Variants in MMD2 observed in about 807,000 individuals in gnomAD.
MMD2 encodes the protein monocyte to macrophage differentiation factor 2.
In MMD2, 30 loss-of-function variants were observed where a neutral mutation model predicts 33.5. That is an observed-to-expected ratio of 0.90 (90% CI 0.67 to 1.22). MMD2 has a LOEUF of 1.22. Among genes scored for constraint, MMD2 ranks in the 50% most tolerant of loss-of-function variants. MMD2 has a pLI of 0.00. For missense variants in MMD2, 364 were observed against 325.4 expected, an observed-to-expected ratio of 1.12 and a Z score of -0.91; for synonymous variants, 129 against 123.0, an observed-to-expected ratio of 1.05 and a Z score of -0.32.
At chr7:4,901,543 A>G (rs1784794183), downstream of MMD2, among the ~76,000 whole-genome samples, 1 of 152,242 alleles carries the variant, frequency 6.6e-6, no homozygotes, top group South Asian at 2.1e-4. Flanking sequence ...AAATCAGGAA[A>G]CTGAGGCACG....
At chr7:4,950,499 T>C (rs532723454) in intron 1 of MMD2, among the ~76,000 whole-genome samples, 2 of 152,102 alleles carry the variant, frequency 1.3e-5, no homozygotes, top group Non-Finnish European at 2.9e-5. Context: ...TAATTCTTCA[T>C]TCCCTACCCA....
rs374243005 is a variant in MMD2, at chr7:4,932,342, C to A, written c.48-6810G>T. Among the ~76,000 whole-genome samples, 15 of 152,270 alleles carry A rather than the reference C, an allele frequency of 9.9e-5. No homozygotes were observed. The East Asian group carries it at 1.4e-3, about 14-fold the overall frequency. The stretch of plus-strand genomic sequence containing the variant: ...CTTTCCCTTTAACTCCTTGCGACCT[C>A]ATTTCTTTCCTCCCTAAACCTCTAG... On this transcript the variant is annotated intron_variant, in intron 1 of 6. Transcript: ENST00000401401.
rs1365754310 is a variant in MMD2, at chr7:4,940,822, C to T, written c.48-15290G>A. 6.6e-6 allele frequency among the ~76,000 whole-genome samples: 1 copy of T among 152,174 alleles called. No homozygotes were observed. Reference sequence around the variant, plus strand: ...CTGGCATGATCTGCAGGAGACAGCACTCAGGTGCACTGTGCGTGGCATCCC... The same window carrying T: ...CTGGCATGATCTGCAGGAGACAGCATTCAGGTGCACTGTGCGTGGCATCCC... On this transcript the variant is annotated intron_variant, in intron 1 of 6. Transcript: ENST00000401401. This position sits in a 1 kb window ranked among gnomAD's most constrained non-coding sequence, Gnocchi z 5.0.
At chr7:4,958,691 C>A (rs1015149397) in intron 1 of MMD2, among the ~76,000 whole-genome samples, 2 of 152,234 alleles carry the variant, frequency 1.3e-5, no homozygotes, top group Non-Finnish European at 2.9e-5. Flanking sequence ...GACACGGGGA[C>A]TCGCATAACC....
intron 1 of MMD2, among the ~76,000 whole-genome samples, chr7:4,932,994 T>A (rs943938676): frequency 1.3e-5 from 2 of 150,384 alleles, no homozygotes; most frequent in African/African-American, 4.9e-5. Context: ...TTTTTTTTTT[T>A]ATGTTTAAAG....
At chr7:4,935,690 A>C (rs1465519146) in intron 1 of MMD2, among the ~76,000 whole-genome samples, 1 of 150,578 alleles carries the variant, frequency 6.6e-6, no homozygotes, top group East Asian at 1.9e-4. Context: ...AAAAAAAAAA[A>C]AAAAAAACCA....
chr7:4,935,448 T>C (rs1188626994), intron 1 of MMD2, among the ~76,000 whole-genome samples: 1 of 152,016 alleles, frequency 6.6e-6, no homozygotes, highest in African/African-American at 2.4e-5. Context: ...CTTAGAAGTT[T>C]CTTTATTATT....
At chr7:4,951,273 G>A (rs1437763423) in intron 1 of MMD2, among the ~76,000 whole-genome samples, 2 of 151,980 alleles carry the variant, frequency 1.3e-5, no homozygotes, top group South Asian at 2.1e-4. Flanking sequence ...AAATCCAGAC[G>A]GTTTAACTGC....
At chr7:4,899,825 T>G in the MMD2 span, among the ~76,000 whole-genome samples, 2 of 152,140 alleles carry the variant, frequency 1.3e-5, no homozygotes, top group African/African-American at 4.8e-5. Flanking sequence ...GGTCACATGA[T>G]ACACAGGTAA....
At chr7:4,899,394 T>C in the MMD2 span, among the ~76,000 whole-genome samples, 10 of 137,250 alleles carry the variant, frequency 7.3e-5, no homozygotes, top group East Asian at 1.6e-3. Context: ...TGTATTTTTC[T>C]TTTTTTTTTT....
intron 4 of MMD2, among the ~76,000 whole-genome samples, chr7:4,912,496 A>G (rs1438981205): frequency 6.6e-6 from 1 of 150,826 alleles, no homozygotes; most frequent in Admixed American, 6.6e-5. Context: ...CGGGAGGCAG[A>G]GCTTGTAGTG....
chr7:4,912,621 G>A (rs1483301862), intron 4 of MMD2, among the ~76,000 whole-genome samples: 1 of 151,762 alleles, frequency 6.6e-6, no homozygotes, highest in Non-Finnish European at 1.5e-5. Flanking sequence ...CTCTTCCTAA[G>A]TGGTTTTGTC....
chr7:4,915,372 C>A (rs1022053832), intron 4 of MMD2, among the ~76,000 whole-genome samples: 1 of 151,672 alleles, frequency 6.6e-6, no homozygotes, highest in East Asian at 1.9e-4. Context: ...TGTATGCATA[C>A]GTCTATGTCT....
At chr7:4,893,128 C>A in the MMD2 span, among the ~76,000 whole-genome samples, 863 of 151,886 alleles carry the variant, frequency 5.7e-3, 14 homozygotes, top group Non-Finnish European at 3.9e-3. Flanking sequence ...ATGGGGTCTA[C>A]ACGCACTCCC....
chr7:4,919,407 A>G (rs1005495630), intron 3 of MMD2, among the ~76,000 whole-genome samples: 6 of 151,436 alleles, frequency 4.0e-5, no homozygotes, highest in African/African-American at 1.5e-4. Context: ...CATCTCTACA[A>G]AAAGATACAA....
In MMD2 at chr7:4,959,167, G is replaced by C. The variant is rs923175886; in HGVS notation, c.-150C>G. 7 of 539,050 alleles carry C rather than the reference G, an allele frequency of 1.3e-5. No homozygotes were observed. The highest frequency in any genetic ancestry group is 1.9e-5 in the Non-Finnish European group (7 of 368,596). 33.4% of individuals were successfully genotyped at this position (539,050 alleles called of 1,614,324 possible). A position where few individuals can be genotyped will look rare whatever the true frequency, so the allele number is the denominator to read the frequency against. Reference sequence around the variant, plus strand: ...GCGCCCGGAGCCGGAGCCGGAGCCCGAGCCGGAGCTGGAGGCGCCCGGAGC... The same window carrying C: ...GCGCCCGGAGCCGGAGCCGGAGCCCCAGCCGGAGCTGGAGGCGCCCGGAGC... On this transcript the variant is annotated 5_prime_UTR_variant, in exon 1 of 7. Coordinates refer to ENST00000401401, the MANE Select transcript of MMD2 (RefSeq NM_198403.4).
At chr7:4,930,326 A>G (rs554136927) in intron 1 of MMD2, among the ~76,000 whole-genome samples, 24 of 146,700 alleles carry the variant, frequency 1.6e-4, no homozygotes, top group African/African-American at 5.3e-4. Flanking sequence ...CCCCCATCCA[A>G]TATGAGTAGG....
At chr7:4,910,079 G>C (rs1784968936) in intron 5 of MMD2, 129 bp from the exon 6 acceptor site, 3 of 1,590,362 alleles carry the variant, frequency 1.9e-6, no homozygotes, top group Admixed American at 3.4e-5. Flanking sequence ...CGCTTTCTCT[G>C]TCCAGCACGC....
At chr7:4,902,112 G>A (rs904399633), downstream of MMD2, among the ~76,000 whole-genome samples, 27 of 152,062 alleles carry the variant, frequency 1.8e-4, no homozygotes, top group Non-Finnish European at 1.9e-4. Flanking sequence ...CACCACAGCC[G>A]GCTAATTTTT....
Sources: allele counts gnomAD v4.1 joint callset (sites outside exome capture counted in the v4.1 genomes callset), GRCh38; gene constraint gnomAD v4.1.1; non-coding constraint Gnocchi (gnomAD v3.1); transcripts MANE v1.5; gene names NCBI Gene and HGNC (gene_info 2026-07-23, HGNC 2026-07-21).